Variants in KPNA4 observed in about 807,000 individuals in gnomAD.
KPNA4 encodes the protein karyopherin subunit alpha 4.
In KPNA4, 13 loss-of-function variants were observed where a neutral mutation model predicts 71.3. That is an observed-to-expected ratio of 0.18 (90% CI 0.12 to 0.29). KPNA4 has a LOEUF of 0.29. Among genes scored for constraint, KPNA4 ranks in the 10% least tolerant of loss-of-function variants. The probability of loss-of-function intolerance (pLI) is 1.00; values close to 1 mark genes in which losing one functional copy is unlikely to be tolerated. For missense variants in KPNA4, 334 were observed against 603.2 expected (o/e 0.55, Z 4.67); for synonymous variants, 189 against 195.2 (o/e 0.97, Z 0.26).
intron 1 of KPNA4, among the ~76,000 whole-genome samples, chr3:160,539,036 A>G (rs1560052485): frequency 6.6e-6 from 1 of 152,260 alleles, no homozygotes; most frequent in East Asian, 1.9e-4. Context: ...TGTATGTGTT[A>G]GCTTAGTATT....
At chr3:160,509,246 G>A (rs1419295358) in intron 14 of KPNA4, among the ~76,000 whole-genome samples, 3 of 152,146 alleles carry the variant, frequency 2.0e-5, no homozygotes, top group Non-Finnish European at 2.9e-5. Flanking sequence ...CCATCTGGTT[G>A]AGCTTTTAAT....
intron 11 of KPNA4, among the ~76,000 whole-genome samples, chr3:160,516,923 A>G (rs140755363): frequency 3.9e-5 from 6 of 152,074 alleles, no homozygotes; most frequent in African/African-American, 1.2e-4. Context: ...TTACTCCTCT[A>G]ATTTTCCTTT....
rs570538256 is a variant in KPNA4, at chr3:160,497,948, T to C, written c.*4156A>G. On this transcript the variant is annotated 3_prime_UTR_variant, in exon 17 of 17. Transcript: ENST00000334256. ...AAGCTTCTATAACAATGTTACCCAT[T>C]CCTTAGTAAACAAAAAAAATATCCA... 6.6e-6 allele frequency: 1 copy of C among 152,300 alleles called. No homozygotes were observed. The highest frequency in any genetic ancestry group is 2.4e-5 in the African/African-American group (1 of 41,546). The allele number at this position is 152,300 out of a possible 1,614,324, so 9.4% of individuals were successfully genotyped here.
At chr3:160,551,789 C>T (rs970910948) in intron 1 of KPNA4, among the ~76,000 whole-genome samples, 6 of 151,424 alleles carry the variant, frequency 4.0e-5, no homozygotes, top group African/African-American at 1.5e-4. Flanking sequence ...TAGGAAGCCA[C>T]TGAAGGTTTC....
At chr3:160,554,182 T>C (rs1577063334) in intron 1 of KPNA4, among the ~76,000 whole-genome samples, 1 of 152,222 alleles carries the variant, frequency 6.6e-6, no homozygotes, top group Non-Finnish European at 1.5e-5. Context: ...TTTTCTATTG[T>C]TGTTTTTAAT....
chr3:160,541,622 A>C, intron 1 of KPNA4, among the ~76,000 whole-genome samples: 1 of 150,428 alleles, frequency 6.6e-6, no homozygotes, highest in Non-Finnish European at 1.5e-5. Context: ...GAGAGGTAAT[A>C]AAGCGGTTTT....
chr3:160,528,075 A>T (rs781012557), intron 7 of KPNA4, 36 bp from the exon 8 acceptor site: 1 of 1,519,434 alleles, frequency 6.6e-7, no homozygotes, highest in African/African-American at 1.4e-5. Context: ...TTAAGGTTGA[A>T]GATACCATAA....
chr3:160,508,819 C>T (rs1230435742), intron 14 of KPNA4, among the ~76,000 whole-genome samples: 2 of 152,108 alleles, frequency 1.3e-5, no homozygotes, highest in East Asian at 3.9e-4. Context: ...TGCATCCCGC[C>T]TGGATACTAG....
At chr3:160,554,965 T>C (rs1051861610) in intron 1 of KPNA4, among the ~76,000 whole-genome samples, 2 of 152,222 alleles carry the variant, frequency 1.3e-5, no homozygotes, top group Admixed American at 6.5e-5. Flanking sequence ...AAGGAGCAGG[T>C]AGTGCGAACT....
chr3:160,536,739 A>G (rs975684298), intron 2 of KPNA4, 57 bp downstream of exon 2: 70 of 956,104 alleles, frequency 7.3e-5, no homozygotes, highest in Admixed American at 1.4e-4. Context: ...TCTTGTATAT[A>G]ATGCTATAAT....
intron 1 of KPNA4, among the ~76,000 whole-genome samples, chr3:160,557,554 ATT>A (rs1722163896): frequency 6.6e-6 from 1 of 152,234 alleles, no homozygotes; most frequent in African/African-American, 2.4e-5. Flanking sequence ...AAAATACATC[ATT>A]AGTTAAAATC....
intron 11 of KPNA4, among the ~76,000 whole-genome samples, chr3:160,519,024 T>C (rs1001818072): frequency 6.6e-5 from 10 of 152,246 alleles, no homozygotes; most frequent in African/African-American, 2.4e-4. Flanking sequence ...TCAAACTTTG[T>C]TCTTCTTCAA....
At chr3:160,564,049 GAAC>G (rs931435147) in intron 1 of KPNA4, among the ~76,000 whole-genome samples, 1 of 152,108 alleles carries the variant, frequency 6.6e-6, no homozygotes, top group African/African-American at 2.4e-5. Context: ...AACGTACCGA[GAAC>G]AACATAAAAA....
Position 160,565,301 on chromosome 3 carries a change from T to C in KPNA4, c.-19A>G. ...CCGCCATGGCCGGGCCGGTGACTCC[T>C]TCCCCCGCCCGGGCCCCGCGGGATC... On this transcript the variant is annotated 5_prime_UTR_variant, in exon 1 of 17. Coordinates refer to ENST00000334256, the MANE Select transcript of KPNA4 (RefSeq NM_002268.5). The C allele has an allele frequency of 6.3e-7, 1 of 1,580,352 alleles. No individual in the cohort carries two copies. The highest frequency in any genetic ancestry group is 8.6e-7 in the Non-Finnish European group (1 of 1,161,968).
intron 10 of KPNA4, among the ~76,000 whole-genome samples, chr3:160,522,705 G>A (rs1382465428): frequency 2.0e-5 from 3 of 152,084 alleles, no homozygotes; most frequent in Non-Finnish European, 2.9e-5. Flanking sequence ...TGATCCGCCC[G>A]CCTCGGCCTC....
chr3:160,515,057 T>C (rs750456534), intron 12 of KPNA4: 2 of 519,302 alleles, frequency 3.9e-6, no homozygotes, highest in Non-Finnish European at 7.7e-6. Flanking sequence ...TGCACTCCAA[T>C]ATCAGCATCA....
intron 10 of KPNA4, among the ~76,000 whole-genome samples, chr3:160,525,575 C>T (rs189926018): frequency 5.3e-5 from 8 of 152,098 alleles, no homozygotes; most frequent in African/African-American, 1.7e-4. Flanking sequence ...AACAGTTATG[C>T]TTGATTTCTT....
chr3:160,524,299 A>C (rs1216635833), intron 10 of KPNA4, among the ~76,000 whole-genome samples: 2 of 152,276 alleles, frequency 1.3e-5, no homozygotes, highest in South Asian at 2.1e-4. Flanking sequence ...GTAGAGGTAT[A>C]AACTTTGAAG....
At chr3:160,552,675 C>G (rs934975298) in intron 1 of KPNA4, among the ~76,000 whole-genome samples, 13 of 151,926 alleles carry the variant, frequency 8.6e-5, no homozygotes, top group Admixed American at 8.5e-4. Flanking sequence ...GACTTTGAAG[C>G]GAGATTCAAA....
Sources: gnomAD v4.1 joint callset for allele counts (sites outside exome capture counted in the v4.1 genomes callset) on GRCh38, gnomAD v4.1.1 for gene constraint, MANE v1.5 for transcripts, NCBI Gene and HGNC (gene_info 2026-07-23, HGNC 2026-07-21) for gene names.